ABCB1: variants seen among roughly 807,000 people sequenced by gnomAD.
ABCB1 encodes the protein ATP binding cassette subfamily B member 1, also known as ATP-dependent translocase ABCB1.
In ABCB1, 69 loss-of-function variants were observed where a neutral mutation model predicts 142.0. The ratio of observed to expected loss-of-function variants is 0.49; its 90% confidence interval spans 0.40 to 0.59. ABCB1 has a LOEUF of 0.59. ABCB1 is among the 20% of genes least tolerant of loss of function. The pLI, the probability that ABCB1 is intolerant of heterozygous loss-of-function variation, is 0.00. For missense variants in ABCB1, 1,326 were observed against 1,554.7 expected (o/e 0.85, Z 2.47); for synonymous variants, 532 against 539.2 (o/e 0.99, Z 0.18).
intron 1 of ABCB1, among the ~76,000 whole-genome samples, chr7:87,645,186 G>A (rs182471783): frequency 2.8e-4 from 42 of 151,326 alleles, no homozygotes; most frequent in African/African-American, 1.0e-3. Flanking sequence ...GGGTTCAAGC[G>A]ATTCTCCTAC....
At chr7:87,545,748 G>A (rs997504876) in intron 15 of ABCB1, 115 bp downstream of exon 15, 1 of 1,110,698 alleles carries the variant, frequency 9.0e-7, no homozygotes, top group Non-Finnish European at 1.3e-6. Context: ...AATCCCCCAG[G>A]TGTTGTTTCC....
chr7:87,532,976 C>T (rs1297609555), intron 20 of ABCB1, among the ~76,000 whole-genome samples: 1 of 152,110 alleles, frequency 6.6e-6, no homozygotes, highest in East Asian at 1.9e-4. Context: ...AGTGCTATAA[C>T]TATCAGTAGC....
At chr7:87,569,856 A>T (rs1817961198) in intron 5 of ABCB1, among the ~76,000 whole-genome samples, 2 of 152,112 alleles carry the variant, frequency 1.3e-5, no homozygotes, top group South Asian at 4.2e-4. Flanking sequence ...CCTGGCACAT[A>T]TATATTATAG....
chr7:87,559,552 G>C (rs982533655), intron 8 of ABCB1, among the ~76,000 whole-genome samples: 1 of 151,414 alleles, frequency 6.6e-6, no homozygotes, highest in African/African-American at 2.4e-5. Flanking sequence ...ATTAATTTTT[G>C]CTCTTACCCT....
At chr7:87,593,241 T>C (rs1435113973) in intron 3 of ABCB1, among the ~76,000 whole-genome samples, 2 of 152,180 alleles carry the variant, frequency 1.3e-5, no homozygotes, top group African/African-American at 4.8e-5. Flanking sequence ...GTGTATAATC[T>C]CTAAGAAGTT....
intron 1 of ABCB1, chr7:87,694,021 G>T: frequency 6.3e-7 from 1 of 1,599,658 alleles, no homozygotes; most frequent in South Asian, 1.1e-5. Context: ...TTGACTTTCG[G>T]GGGAGGGCTG....
intron 1 of ABCB1, among the ~76,000 whole-genome samples, chr7:87,647,663 T>C (rs1487943839): frequency 6.6e-6 from 1 of 152,220 alleles, no homozygotes; most frequent in East Asian, 1.9e-4. Flanking sequence ...GGTTTCAATT[T>C]GAATTACCAT....
intron 1 of ABCB1, chr7:87,628,982 C>A: frequency 7.7e-7 from 1 of 1,304,204 alleles, no homozygotes; most frequent in East Asian, 2.8e-5. Context: ...CAGCCTCCCG[C>A]CGGGGCTGAG....
chr7:87,604,654 T>C (rs1462309878), upstream of ABCB1, among the ~76,000 whole-genome samples: 1 of 152,118 alleles, frequency 6.6e-6, no homozygotes, highest in African/African-American at 2.4e-5. Flanking sequence ...CGAAGGTCAA[T>C]AGGATCATTT....
At chr7:87,517,317 G>C (rs1584838148) in intron 23 of ABCB1, among the ~76,000 whole-genome samples, 1 of 152,178 alleles carries the variant, frequency 6.6e-6, no homozygotes, top group East Asian at 1.9e-4. Context: ...ATGACTCAGG[G>C]GGCCTTATAT....
intron 25 of ABCB1, among the ~76,000 whole-genome samples, chr7:87,514,041 G>A (rs112764127): frequency 6.6e-5 from 10 of 152,182 alleles, no homozygotes; most frequent in African/African-American, 1.9e-4. Context: ...AGCTTGTAAT[G>A]ATTTAAGAGT....
chr7:87,649,793 A>G (rs1823391880), intron 1 of ABCB1, among the ~76,000 whole-genome samples: 1 of 152,184 alleles, frequency 6.6e-6, no homozygotes, highest in African/African-American at 2.4e-5. Context: ...TAATTGAATC[A>G]TGGCAGCGGG....
intron 25 of ABCB1, among the ~76,000 whole-genome samples, 183 bp downstream of exon 25, chr7:87,515,048 C>T (rs1265502032): frequency 1.3e-5 from 2 of 152,168 alleles, no homozygotes; most frequent in African/African-American, 4.8e-5. Flanking sequence ...TTGAGGGGAG[C>T]CTGGAGAAGT....
chr7:87,557,092 T>G (rs571944319), intron 8 of ABCB1, among the ~76,000 whole-genome samples: 57 of 152,210 alleles, frequency 3.7e-4, no homozygotes, highest in African/African-American at 1.3e-3. Context: ...AACTTGACCA[T>G]TCATCATCCT....
intron 1 of ABCB1, among the ~76,000 whole-genome samples, chr7:87,638,647 T>C (rs1822088707): frequency 1.3e-5 from 2 of 151,946 alleles, no homozygotes; most frequent in South Asian, 2.1e-4. Flanking sequence ...CTTAATATCC[T>C]CTTAATGTCT....
chr7:87,603,359 A>G (rs1409311280), upstream of ABCB1, among the ~76,000 whole-genome samples: 3 of 152,192 alleles, frequency 2.0e-5, no homozygotes, highest in African/African-American at 7.2e-5. Context: ...GGTGCTAACC[A>G]GTAGTCCCTC....
At chr7:87,585,367 C>A (rs1818697298) in intron 4 of ABCB1, 145 bp downstream of exon 4, 1 of 792,958 alleles carries the variant, frequency 1.3e-6, no homozygotes, top group Non-Finnish European at 2.0e-6. Flanking sequence ...TAACTCACTA[C>A]AAATATGAAT....
At chr7:87,667,046 T>G (rs1294929085) in intron 1 of ABCB1, among the ~76,000 whole-genome samples, 1 of 152,222 alleles carries the variant, frequency 6.6e-6, no homozygotes, top group African/African-American at 2.4e-5. Flanking sequence ...GGTAGTTTGA[T>G]AGGAATAGCA....
At chr7:87,589,805 G>GAGAGAGAGAGAGAGA (rs1554439341) in intron 3 of ABCB1, among the ~76,000 whole-genome samples, 1 of 105,366 alleles carries the variant, frequency 9.5e-6, no homozygotes, top group Non-Finnish European at 1.7e-5. Flanking sequence ...GAGAGAGAGA[G>GAGAGAGAGAGAGAGA]GAGAGAGAGA....
Sources: allele counts gnomAD v4.1 joint callset (sites outside exome capture counted in the v4.1 genomes callset), GRCh38; gene constraint gnomAD v4.1.1; transcripts MANE v1.5; gene names NCBI Gene and HGNC (gene_info 2026-07-23, HGNC 2026-07-21).